Variants in DLGAP2 observed in about 807,000 individuals in gnomAD.
DLGAP2 encodes DLG associated protein 2, also known as disks large-associated protein 2.
DLGAP2 carries 26 observed loss-of-function variants against 100.3 expected under a neutral mutation model. That is an observed-to-expected ratio of 0.26 (90% CI 0.19 to 0.36). DLGAP2 has a LOEUF of 0.36. Ranked by LOEUF, DLGAP2 falls within the 10% of genes least tolerant of loss-of-function variation. The probability of loss-of-function intolerance (pLI) is 1.00; values close to 1 mark genes in which losing one functional copy is unlikely to be tolerated. For missense variants in DLGAP2, 1,858 were observed against 1,453.2 expected, an observed-to-expected ratio of 1.28 and a Z score of -4.53; for synonymous variants, 886 against 630.1, an observed-to-expected ratio of 1.41 and a Z score of -6.08.
intron 3 of DLGAP2, among the ~76,000 whole-genome samples, chr8:1,392,312 T>C (rs1796381067): frequency 1.3e-5 from 2 of 152,160 alleles, no homozygotes; most frequent in Non-Finnish European, 2.9e-5. Flanking sequence ...AGGCGCCATC[T>C]GGATCCAGGG....
At chr8:838,522 C>T (rs929292244) in intron 1 of DLGAP2, among the ~76,000 whole-genome samples, 1 of 151,824 alleles carries the variant, frequency 6.6e-6, no homozygotes, top group Admixed American at 6.6e-5. Flanking sequence ...TTCAATTAAT[C>T]CATAATATAC....
intron 3 of DLGAP2, among the ~76,000 whole-genome samples, chr8:1,409,144 T>C (rs998328817): frequency 1.1e-5 from 1 of 88,532 alleles, no homozygotes; most frequent in Admixed American, 1.1e-4. Context: ...CGGCTCCCCT[T>C]GGACCACTGC....
In DLGAP2 at chr8:792,336, G is replaced by A. The variant is rs572148114; in HGVS notation, c.18+54511G>A. On this transcript the variant is annotated intron_variant, in intron 1 of 14. Transcript: ENST00000637795. ...GATTTTCTAAGTGGATAAATTATGAGTAAGTGCTAATTTTATTTTTCCCTT... is the reference window on the plus strand; with the variant it reads ...GATTTTCTAAGTGGATAAATTATGAATAAGTGCTAATTTTATTTTTCCCTT... Among the ~76,000 whole-genome samples, 7 of 152,274 alleles carry A rather than the reference G, an allele frequency of 4.6e-5. No individual in the cohort carries two copies. The East Asian group carries it at 5.8e-4, about 13-fold the overall frequency.
chr8:865,211 C>G (rs985579487), intron 1 of DLGAP2, among the ~76,000 whole-genome samples: 1 of 152,200 alleles, frequency 6.6e-6, no homozygotes, highest in African/African-American at 2.4e-5. Context: ...CATCTTGGCT[C>G]CAGCAAGATT....
chr8:1,585,049 T>C (rs971223109), intron 6 of DLGAP2, among the ~76,000 whole-genome samples: 1 of 151,152 alleles, frequency 6.6e-6, no homozygotes, highest in Non-Finnish European at 1.5e-5. Flanking sequence ...TCTTTTCTGT[T>C]ATTTCTATGT....
At chr8:997,861 CACACAA>C (rs1398886831) in intron 2 of DLGAP2, among the ~76,000 whole-genome samples, 3 of 145,562 alleles carry the variant, frequency 2.1e-5, no homozygotes, top group Non-Finnish European at 4.7e-5. Flanking sequence ...TACACACATA[CACACAA>C]ACACACATAC....
chr8:1,197,941 A>G (rs998721907), intron 2 of DLGAP2, among the ~76,000 whole-genome samples: 1 of 152,118 alleles, frequency 6.6e-6, no homozygotes, highest in Non-Finnish European at 1.5e-5. Context: ...ACTGGCCCAC[A>G]TGTGCATCTG....
At chr8:882,806 ATC>A (rs1424455365) in intron 1 of DLGAP2, among the ~76,000 whole-genome samples, 5 of 152,372 alleles carry the variant, frequency 3.3e-5, no homozygotes, top group Admixed American at 1.3e-4. Flanking sequence ...GCCCAGCGGC[ATC>A]TCTCCCTGGC....
intron 6 of DLGAP2, among the ~76,000 whole-genome samples, chr8:1,599,093 C>G (rs1376085142): frequency 6.6e-6 from 1 of 152,160 alleles, no homozygotes; most frequent in Non-Finnish European, 1.5e-5. Flanking sequence ...TTCCAAAGAA[C>G]TTATTTATTT....
At chr8:1,314,146 A>G (rs1284164102) in intron 3 of DLGAP2, among the ~76,000 whole-genome samples, 1 of 152,242 alleles carries the variant, frequency 6.6e-6, no homozygotes, top group Non-Finnish European at 1.5e-5. Context: ...CCTTTCATAA[A>G]ATCCTATGAA....
intron 2 of DLGAP2, among the ~76,000 whole-genome samples, chr8:1,169,932 G>A (rs1797093962): frequency 6.6e-6 from 1 of 151,994 alleles, no homozygotes; most frequent in Non-Finnish European, 1.5e-5. Flanking sequence ...GAATAGGAGT[G>A]GTGAGAGAGG....
At chr8:1,172,685 G>A (rs146821521) in intron 2 of DLGAP2, among the ~76,000 whole-genome samples, 28,261 of 151,776 alleles carry the variant, frequency 0.19, 2,769 homozygotes, top group Middle Eastern at 0.34. Flanking sequence ...TCGGCTCCTG[G>A]GGCTTCTGCA....
intron 6 of DLGAP2, among the ~76,000 whole-genome samples, chr8:1,614,388 C>A (rs1244592878): frequency 6.6e-6 from 1 of 152,238 alleles, no homozygotes; most frequent in African/African-American, 2.4e-5. Context: ...ACAGTCAGTG[C>A]TGCTGGTACC....
intron 3 of DLGAP2, among the ~76,000 whole-genome samples, chr8:1,307,202 A>T (rs1037382678): frequency 3.0e-4 from 45 of 152,320 alleles, no homozygotes; most frequent in African/African-American, 1.0e-3. Context: ...AAATAATCTG[A>T]TTCAAAAATG....
At chr8:1,481,449 T>C (rs990603801) in intron 3 of DLGAP2, among the ~76,000 whole-genome samples, 5 of 125,568 alleles carry the variant, frequency 4.0e-5, no homozygotes, top group Non-Finnish European at 6.6e-5. Context: ...CTTTATTGGA[T>C]TTTCTTTTTC....
intron 2 of DLGAP2, among the ~76,000 whole-genome samples, chr8:1,063,668 G>C (rs577409905): frequency 1.7e-4 from 26 of 152,146 alleles, no homozygotes; most frequent in Non-Finnish European, 2.2e-4. Flanking sequence ...AGCTTTAAAA[G>C]TTCCTGTTAT....
intron 1 of DLGAP2, among the ~76,000 whole-genome samples, chr8:825,999 G>A (rs916619057): frequency 3.5e-4 from 52 of 149,154 alleles, no homozygotes; most frequent in Admixed American, 3.4e-3. Context: ...CACTACCCTG[G>A]GAACCGTACT....
At chr8:1,312,102 G>C (rs528309338) in intron 3 of DLGAP2, among the ~76,000 whole-genome samples, 2 of 152,238 alleles carry the variant, frequency 1.3e-5, no homozygotes, top group African/African-American at 4.8e-5. Flanking sequence ...GCAGAACACA[G>C]ATTCTTCCCA....
chr8:816,515 G>A (rs901761435), intron 1 of DLGAP2, among the ~76,000 whole-genome samples: 5 of 152,088 alleles, frequency 3.3e-5, no homozygotes, highest in African/African-American at 1.2e-4. Flanking sequence ...TTCTTGGCTG[G>A]TAATTGTTTT....
Sources: gnomAD v4.1 joint callset for allele counts (sites outside exome capture counted in the v4.1 genomes callset) on GRCh38, gnomAD v4.1.1 for gene constraint, MANE v1.5 for transcripts, NCBI Gene and HGNC (gene_info 2026-07-23, HGNC 2026-07-21) for gene names.